Variants in PARD3B observed in about 807,000 individuals in gnomAD.
PARD3B encodes the protein par-3 family cell polarity regulator beta, also known as partitioning defective 3 homolog B.
Under a neutral mutation model 130.2 loss-of-function variants are expected in PARD3B, and 103 were observed. The ratio of observed to expected loss-of-function variants is 0.79; its 90% CI spans 0.67 to 0.93. The LOEUF (loss-of-function observed/expected upper bound fraction) is 0.93. PARD3B is among the 40% of genes least tolerant of loss of function. PARD3B has a pLI of 0.00. For missense variants in PARD3B, 1,609 were observed against 1,499.2 expected (o/e 1.07, Z -1.21); for synonymous variants, 583 against 553.2 (o/e 1.05, Z -0.76).
At chr2:204,748,267 T>A (rs2125380718) in intron 2 of PARD3B, among the ~76,000 whole-genome samples, 1 of 152,224 alleles carries the variant, frequency 6.6e-6, no homozygotes, top group East Asian at 1.9e-4. Context: ...CACCAGTTCA[T>A]ACACGTAAAA....
intron 3 of PARD3B, among the ~76,000 whole-genome samples, chr2:204,972,083 G>T (rs1255905171): frequency 2.0e-5 from 3 of 151,990 alleles, no homozygotes; most frequent in African/African-American, 7.2e-5. Flanking sequence ...ACTAGTTAAA[G>T]AATAAAGTCA....
At chr2:205,058,070 C>T (rs1167033634) in intron 4 of PARD3B, among the ~76,000 whole-genome samples, 1 of 151,712 alleles carries the variant, frequency 6.6e-6, no homozygotes, top group Non-Finnish European at 1.5e-5. Context: ...ACTCCTTATT[C>T]CCTCCTTTTC....
intron 2 of PARD3B, among the ~76,000 whole-genome samples, chr2:204,927,839 CGTAGGTAG>C (rs540664848): frequency 4.2e-5 from 6 of 141,878 alleles, no homozygotes; most frequent in Admixed American, 2.8e-4. Context: ...TAGGTAGGTA[CGTAGGTAG>C]GTAGGTAGGT....
At chr2:204,868,933 G>A (rs952782786) in intron 2 of PARD3B, among the ~76,000 whole-genome samples, 1 of 152,046 alleles carries the variant, frequency 6.6e-6, no homozygotes, top group African/African-American at 2.4e-5. Context: ...CCAACAACAG[G>A]GAATCAGGTG....
intron 2 of PARD3B, among the ~76,000 whole-genome samples, chr2:204,935,504 A>C (rs1032793800): frequency 2.0e-5 from 3 of 151,678 alleles, no homozygotes; most frequent in Non-Finnish European, 4.4e-5. Flanking sequence ...GCGCCACTGT[A>C]CTCCAGCCTG....
intron 2 of PARD3B, among the ~76,000 whole-genome samples, chr2:204,891,432 C>A (rs559468453): frequency 2.6e-5 from 4 of 152,118 alleles, no homozygotes. Flanking sequence ...GTATTGAAGA[C>A]GGCAACCGCA....
chr2:205,565,618 T>C (rs1330533355), intron 22 of PARD3B, among the ~76,000 whole-genome samples: 1 of 152,226 alleles, frequency 6.6e-6, no homozygotes, highest in Non-Finnish European at 1.5e-5. Flanking sequence ...GTCCTTTTTC[T>C]GGTTACTTCT....
chr2:204,955,628 G>T (rs757658681), intron 2 of PARD3B, among the ~76,000 whole-genome samples: 7 of 152,146 alleles, frequency 4.6e-5, no homozygotes, highest in Non-Finnish European at 8.8e-5. Context: ...AAAGTCAGTT[G>T]TACTTCAGTT....
intron 21 of PARD3B, among the ~76,000 whole-genome samples, chr2:205,537,283 G>T (rs1479351755): frequency 1.3e-5 from 2 of 152,230 alleles, no homozygotes; most frequent in African/African-American, 2.4e-5. Context: ...TCTCCTTAAA[G>T]ATGGGAAATC....
chr2:205,196,187 C>G (rs2036672189), intron 15 of PARD3B, among the ~76,000 whole-genome samples: 1 of 152,136 alleles, frequency 6.6e-6, no homozygotes, highest in African/African-American at 2.4e-5. Flanking sequence ...CTAGTTGCTT[C>G]CCCATCTATG....
chr2:205,582,955 T>C (rs2054047306), intron 22 of PARD3B, among the ~76,000 whole-genome samples: 1 of 152,026 alleles, frequency 6.6e-6, no homozygotes, highest in South Asian at 2.1e-4. Context: ...ATTCTCAGAG[T>C]AGCAGGGAAT....
At chr2:205,001,405 G>A (rs968214650) in intron 3 of PARD3B, among the ~76,000 whole-genome samples, 10 of 152,122 alleles carry the variant, frequency 6.6e-5, no homozygotes, top group Admixed American at 4.6e-4. Flanking sequence ...GTTGGAATAG[G>A]CTGAACCCCT....
At chr2:204,668,753 T>C (rs1370588257) in intron 1 of PARD3B, among the ~76,000 whole-genome samples, 1 of 152,194 alleles carries the variant, frequency 6.6e-6, no homozygotes, top group Non-Finnish European at 1.5e-5. Flanking sequence ...TCCTAGTCCC[T>C]AGAACATTTG....
chr2:205,224,463 T>C (rs1437071354), intron 15 of PARD3B, among the ~76,000 whole-genome samples: 1 of 151,062 alleles, frequency 6.6e-6, no homozygotes, highest in Non-Finnish European at 1.5e-5. Context: ...CCTGTTATGC[T>C]ATCAAATACT....
chr2:205,514,888 A>C (rs892893337), intron 21 of PARD3B, among the ~76,000 whole-genome samples: 1 of 146,306 alleles, frequency 6.8e-6, no homozygotes, highest in Admixed American at 6.9e-5. Flanking sequence ...TTTGTTACAT[A>C]GGTAAACTCA....
intron 1 of PARD3B, among the ~76,000 whole-genome samples, chr2:204,562,062 A>C (rs920986800): frequency 6.6e-6 from 1 of 152,104 alleles, no homozygotes; most frequent in Non-Finnish European, 1.5e-5. Flanking sequence ...ACATACACAC[A>C]CACATACAAC....
intron 2 of PARD3B, among the ~76,000 whole-genome samples, chr2:204,899,891 GT>G (rs200980141): frequency 0.077 from 11,372 of 146,766 alleles, 963 homozygotes; most frequent in African/African-American, 0.21. Context: ...TTTGATAAAA[GT>G]TTTTTTTTTT....
chr2:205,272,346 T>C (rs1010842735), intron 16 of PARD3B, among the ~76,000 whole-genome samples: 12 of 152,162 alleles, frequency 7.9e-5, no homozygotes, highest in African/African-American at 2.9e-4. Flanking sequence ...TCTATAATTA[T>C]TTTCCCCACA....
intron 4 of PARD3B, among the ~76,000 whole-genome samples, chr2:205,081,151 A>G (rs1701381738): frequency 6.6e-6 from 1 of 151,964 alleles, no homozygotes; most frequent in African/African-American, 2.4e-5. Context: ...CTTTTCCTTT[A>G]TGGATGGTGC....
Sources: allele counts gnomAD v4.1 joint callset (sites outside exome capture counted in the v4.1 genomes callset), GRCh38; gene constraint gnomAD v4.1.1; transcripts MANE v1.5; gene names NCBI Gene and HGNC (gene_info 2026-07-23, HGNC 2026-07-21).